CCDC175: variants seen among roughly 807,000 people sequenced by gnomAD.
CCDC175 encodes the protein coiled-coil domain containing 175.
In CCDC175, 100 loss-of-function variants were observed where a neutral mutation model predicts 114.6. The observed-to-expected ratio is 0.87, with a 90% CI of 0.74 to 1.03. The LOEUF (loss-of-function observed/expected upper bound fraction) is 1.03. Among genes scored for constraint, CCDC175 ranks in the 50% least tolerant of loss-of-function variants. CCDC175 has a pLI of 0.00. For synonymous variants in CCDC175, 306 were observed against 308.7 expected (o/e 0.99, Z 0.09); for missense variants, 880 against 917.8 (o/e 0.96, Z 0.53).
At chr14:59,532,812 C>A (rs921545433) in intron 13 of CCDC175, among the ~76,000 whole-genome samples, 5 of 152,294 alleles carry the variant, frequency 3.3e-5, no homozygotes, top group African/African-American at 1.2e-4. Flanking sequence ...TCCCTATGGC[C>A]TGGACTGGGA....
At chr14:59,569,125 G>T (rs11622019) in intron 3 of CCDC175, among the ~76,000 whole-genome samples, 3,596 of 152,296 alleles carry the variant, frequency 0.024, 112 homozygotes, top group African/African-American at 0.072. Context: ...TGGTCAATAT[G>T]CATGAATTTT....
intron 13 of CCDC175, among the ~76,000 whole-genome samples, chr14:59,535,881 C>T (rs1248157178): frequency 2.0e-5 from 3 of 151,512 alleles, no homozygotes; most frequent in Non-Finnish European, 4.4e-5. Context: ...AGGGTCAGCT[C>T]AGCTATCTAG....
rs111327584 is a variant in CCDC175, at chr14:59,531,173, G to A, written c.1762+599C>T. Among the ~76,000 whole-genome samples the A allele has an allele frequency of 2.1e-3, 320 of 152,040 alleles. 1 individual carries two copies. Among genetic ancestry groups the A allele is most frequent in the African/African-American group, 6.9e-3 (287 of 41,494 alleles). ...TATAAACTTTGGACCTTGGGCACAGGGTTGAATGATTACATCCAATTTTTT... is the reference window on the plus strand; with the variant it reads ...TATAAACTTTGGACCTTGGGCACAGAGTTGAATGATTACATCCAATTTTTT... On this transcript the variant is annotated intron_variant, in intron 14 of 19. Coordinates refer to ENST00000537690, the MANE Select transcript of CCDC175 (RefSeq NM_001164399.2).
chr14:59,557,631 G>GA (rs11396655), intron 7 of CCDC175, among the ~76,000 whole-genome samples: 75,308 of 144,580 alleles, frequency 0.52, 20,284 homozygotes, highest in East Asian at 0.82. Context: ...AAAAGAAAAA[G>GA]AAAAAAAAAA....
At chr14:59,505,668 T>C (rs903593132) in intron 19 of CCDC175, among the ~76,000 whole-genome samples, 10 of 152,214 alleles carry the variant, frequency 6.6e-5, no homozygotes, top group Non-Finnish European at 1.5e-4. Context: ...GAACAACTTA[T>C]AGCCACTGTA....
chr14:59,508,213 C>A (rs1328012128), intron 19 of CCDC175, among the ~76,000 whole-genome samples: 1 of 152,052 alleles, frequency 6.6e-6, no homozygotes, highest in African/African-American at 2.4e-5. Context: ...CCCCCTGACC[C>A]CTTCTTCCAA....
chr14:59,543,548 G>C, intron 9 of CCDC175, 94 bp from the exon 10 acceptor site: 1 of 446,000 alleles, frequency 2.2e-6, no homozygotes, highest in South Asian at 7.4e-5. Context: ...TTCAGATCAT[G>C]AGCTATTTGC....
intron 19 of CCDC175, among the ~76,000 whole-genome samples, chr14:59,509,774 T>A (rs946691015): frequency 5.3e-5 from 8 of 152,184 alleles, no homozygotes; most frequent in African/African-American, 1.9e-4. Flanking sequence ...CCTCCCAAAG[T>A]GCTGGGATTA....
Position 59,527,156 on chromosome 14 carries a change from T to A in CCDC175, c.1781A>T (p.Asp594Val). 1 of 1,496,780 alleles carries A rather than the reference T, an allele frequency of 6.7e-7. No homozygotes were observed. The highest frequency in any genetic ancestry group is 8.9e-7 in the Non-Finnish European group (1 of 1,128,070). 92.7% of individuals were successfully genotyped at this position (1,496,780 alleles called of 1,614,324 possible). Residue 594 changes from aspartate (D) to valine (V), a missense_variant, in exon 15 of 20, where the codon GAT becomes GTT. Transcript: ENST00000537690. ...NIITAQRQEEDLLNNHIFLFT... is the reference protein window; with the variant it reads ...NIITAQRQEEVLLNNHIFLFT... ...CAGAAAAATGTGATTGTTCAGTAAA[T>A]CTTCCTCCTGTCTTTGTGCTATTAA...
At chr14:59,514,054 G>A (rs997732236) in intron 17 of CCDC175, among the ~76,000 whole-genome samples, 31 of 152,180 alleles carry the variant, frequency 2.0e-4, no homozygotes, top group African/African-American at 7.2e-4. Context: ...CCAGGCAAAC[G>A]GGGTCTGGAG....
In CCDC175 at chr14:59,576,649, C is replaced by G; in HGVS notation, c.127G>C (p.Val43Leu). Residue 43 changes from valine (V) to leucine (L), a missense_variant, in exon 1 of 20, where the codon GTC (valine) becomes CTC (leucine). By Grantham distance (32) the Val-to-Leu change is conservative (BLOSUM62 1). Transcript: ENST00000537690. ...ACAAACAGCTGCTCCAGCGCCTCGA[C>G]CGCGACCGAGGAGCCCAGGGTGGAG... ...LPSTLGSSVA[V>L]EALEQLFVVE... 6.8e-7 allele frequency: 1 copy of G among 1,473,056 alleles called. No individual in the cohort carries two copies. The highest frequency in any genetic ancestry group is 8.9e-7 in the Non-Finnish European group (1 of 1,119,908). The allele number at this position is 1,473,056 out of a possible 1,614,324, so 91.2% of individuals were successfully genotyped here.
intron 15 of CCDC175, among the ~76,000 whole-genome samples, chr14:59,526,139 T>C (rs1284456572): frequency 6.6e-6 from 1 of 152,240 alleles, no homozygotes; most frequent in African/African-American, 2.4e-5. Context: ...CTCTATTGAA[T>C]TCTCTATTCA....
rs113947562 is a variant in CCDC175 at position 59,522,859 on chromosome 14, T to C, written c.1996-1183A>G. On this transcript the variant is annotated intron_variant, in intron 16 of 19. Coordinates refer to ENST00000537690, the MANE Select transcript of CCDC175 (RefSeq NM_001164399.2). ...ACTGAATTGTAATGATCTGTTTCTA[T>C]GTGCATCTCTTCAGCTAGACCATGA... Among the ~76,000 whole-genome samples the C allele has an allele frequency of 2.1e-3, 319 of 152,362 alleles. 1 individual carries two copies. Among genetic ancestry groups the C allele is most frequent in the African/African-American group, 6.9e-3 (286 of 41,592 alleles).
At chr14:59,561,875 G>C (rs1566632748) in intron 6 of CCDC175, among the ~76,000 whole-genome samples, 1 of 152,192 alleles carries the variant, frequency 6.6e-6, no homozygotes, top group African/African-American at 2.4e-5. Flanking sequence ...ATGAAGCTTA[G>C]ACAAGGCTGA....
chr14:59,524,654 G>T (rs1412739333), intron 16 of CCDC175, among the ~76,000 whole-genome samples: 1 of 152,168 alleles, frequency 6.6e-6, no homozygotes, highest in African/African-American at 2.4e-5. Flanking sequence ...TGGGAGACTG[G>T]TAGTATGTAC....
intron 8 of CCDC175, among the ~76,000 whole-genome samples, chr14:59,545,566 G>A (rs1895053405): frequency 2.6e-5 from 4 of 152,146 alleles, no homozygotes; most frequent in Admixed American, 2.6e-4. Flanking sequence ...AAAATGGGAT[G>A]AATAAACTGT....
intron 3 of CCDC175, among the ~76,000 whole-genome samples, chr14:59,571,409 T>C (rs1307253961): frequency 2.0e-5 from 3 of 152,002 alleles, no homozygotes; most frequent in African/African-American, 7.3e-5. Context: ...CTCCTACAAC[T>C]CAACAACAAC....
intron 17 of CCDC175, among the ~76,000 whole-genome samples, chr14:59,516,008 G>C (rs575588800): frequency 1.3e-5 from 2 of 152,310 alleles, no homozygotes; most frequent in Admixed American, 6.5e-5. Flanking sequence ...TCAGGATTAA[G>C]AAACTCACTC....
intron 6 of CCDC175, 124 bp from the exon 7 acceptor site, chr14:59,561,352 G>GA (rs1343941346): frequency 4.3e-6 from 2 of 463,950 alleles, no homozygotes; most frequent in Middle Eastern, 3.1e-4. Flanking sequence ...GTACTTCAAG[G>GA]AAAAAAAGCA....
Sources: allele counts gnomAD v4.1 joint callset (sites outside exome capture counted in the v4.1 genomes callset), GRCh38; gene constraint gnomAD v4.1.1; transcripts MANE v1.5; gene names NCBI Gene and HGNC (gene_info 2026-07-23, HGNC 2026-07-21).